Variants in TRIM55 observed in about 807,000 individuals in gnomAD.
The protein encoded by TRIM55 is tripartite motif containing 55.
In TRIM55, 50 loss-of-function variants were observed where a neutral mutation model predicts 60.9. The observed-to-expected ratio is 0.82, with a 90% CI of 0.65 to 1.04. TRIM55 has a LOEUF of 1.04. Among genes scored for constraint, TRIM55 ranks in the 50% least tolerant of loss-of-function variants. The pLI is 0.00. For missense variants in TRIM55, 681 were observed against 666.9 expected (o/e 1.02, Z -0.23); for synonymous variants, 237 against 238.1 (o/e 1.00, Z 0.04).
chr8:66,167,686 C>A, intron 9 of TRIM55, among the ~76,000 whole-genome samples: 1 of 152,224 alleles, frequency 6.6e-6, no homozygotes, highest in East Asian at 1.9e-4. Flanking sequence ...GCCCCCCAGT[C>A]AGTTCACTCC....
the TRIM55 span, chr8:66,113,420 A>C: frequency 2.3e-6 from 1 of 438,542 alleles, no homozygotes; most frequent in African/African-American, 2.0e-5. Context: ...CCTCAGCAGG[A>C]GACATCCTTA....
chr8:66,156,326 G>A (rs1028354384), intron 9 of TRIM55, among the ~76,000 whole-genome samples: 6 of 152,158 alleles, frequency 3.9e-5, no homozygotes, highest in Admixed American at 1.3e-4. Context: ...TTGCAGCCAC[G>A]TGAGACCTGA....
In TRIM55 at chr8:66,154,294, T is replaced by C; in HGVS notation, c.1484T>C (p.Val495Ala). The change falls in exon 9 of 10, where the codon GTG becomes GCG. Residue 495 changes from valine to alanine, a missense_variant. Val to Ala is a moderately conservative substitution (Grantham distance 64). Transcript: ENST00000315962. Reference sequence around the variant, plus strand: ...GCCGCAGCGAGTGAGAGGGCAGCTGTGAGTGGTAAGGAAACTAGTGCACCT... The same window carrying C: ...GCCGCAGCGAGTGAGAGGGCAGCTGCGAGTGGTAAGGAAACTAGTGCACCT... ...AAAAASERAA[V>A]SGKETSAPAA... 1 of 1,614,048 alleles carries C rather than the reference T, an allele frequency of 6.2e-7. No homozygotes were observed. Among genetic ancestry groups the C allele is most frequent in the Non-Finnish European group, 8.5e-7 (1 of 1,180,016 alleles).
intron 4 of TRIM55, among the ~76,000 whole-genome samples, chr8:66,148,902 A>G (rs1004577934): frequency 2.0e-5 from 3 of 152,170 alleles, no homozygotes; most frequent in Non-Finnish European, 4.4e-5. Context: ...TTCAAAAATT[A>G]GCTGGGTGTG....
chr8:66,144,989 T>G (rs1810025191), intron 4 of TRIM55, among the ~76,000 whole-genome samples: 1 of 152,224 alleles, frequency 6.6e-6, no homozygotes, highest in South Asian at 2.1e-4. Context: ...GTACTGAAAT[T>G]CAGAGTCATC....
At chr8:66,140,627 G>T (rs1244408829) in intron 4 of TRIM55, among the ~76,000 whole-genome samples, 2 of 152,204 alleles carry the variant, frequency 1.3e-5, no homozygotes, top group Admixed American at 6.5e-5. Context: ...CCATATCAGT[G>T]GGCAAAGCCC....
chr8:66,148,604 G>A (rs963688218), intron 4 of TRIM55, among the ~76,000 whole-genome samples: 2 of 152,204 alleles, frequency 1.3e-5, no homozygotes, highest in African/African-American at 4.8e-5. Flanking sequence ...CAAAGAAAGT[G>A]AGTGGTTTAT....
At chr8:66,117,217 C>T in the TRIM55 span, among the ~76,000 whole-genome samples, 1 of 152,182 alleles carries the variant, frequency 6.6e-6, no homozygotes, top group Non-Finnish European at 1.5e-5. Context: ...CAGTGCTTTC[C>T]TCCTAAGACC....
At chr8:66,164,836 A>G (rs548694442) in intron 9 of TRIM55, among the ~76,000 whole-genome samples, 2 of 152,138 alleles carry the variant, frequency 1.3e-5, no homozygotes, top group Non-Finnish European at 2.9e-5. Flanking sequence ...GTAAGATTAT[A>G]AAGGTGATCC....
chr8:66,120,220 G>A, the TRIM55 span, among the ~76,000 whole-genome samples: 28 of 152,104 alleles, frequency 1.8e-4, no homozygotes, highest in Admixed American at 2.6e-4. Flanking sequence ...AATAATTTTA[G>A]CATCCCTTTC....
At chr8:66,156,841 A>G (rs1020081759) in intron 9 of TRIM55, among the ~76,000 whole-genome samples, 7 of 152,164 alleles carry the variant, frequency 4.6e-5, no homozygotes, top group Admixed American at 1.3e-4. Context: ...ACAATGTCCA[A>G]TAGTCAGCTG....
intron 9 of TRIM55, among the ~76,000 whole-genome samples, chr8:66,172,653 C>T (rs143240291): frequency 5.9e-5 from 9 of 152,306 alleles, no homozygotes; most frequent in African/African-American, 7.2e-5. Context: ...CAAAAGCAGT[C>T]CCAGGGGCTT....
At chr8:66,127,772 T>C (rs1425168723) in intron 1 of TRIM55, among the ~76,000 whole-genome samples, 1 of 152,148 alleles carries the variant, frequency 6.6e-6, no homozygotes, top group Non-Finnish European at 1.5e-5. Context: ...GAGGCGGACA[T>C]TGCAGCGAGC....
intron 9 of TRIM55, among the ~76,000 whole-genome samples, chr8:66,162,410 A>G (rs1343726322): frequency 2.0e-5 from 3 of 151,444 alleles, no homozygotes; most frequent in African/African-American, 7.3e-5. Context: ...ATGCTGTTGG[A>G]TTCAGTTTGC....
chr8:66,134,499 A>G (rs1809362123), intron 2 of TRIM55, among the ~76,000 whole-genome samples: 1 of 152,108 alleles, frequency 6.6e-6, no homozygotes, highest in Non-Finnish European at 1.5e-5. Context: ...TACTCCTAAA[A>G]GCTGGTGCAA....
chr8:66,168,557 A>G (rs1341744618), intron 9 of TRIM55, among the ~76,000 whole-genome samples: 1 of 152,246 alleles, frequency 6.6e-6, no homozygotes, highest in African/African-American at 2.4e-5. Context: ...CCCACTCAGC[A>G]GCCTTAAGTC....
chr8:66,157,119 G>A (rs1287180476), intron 9 of TRIM55, among the ~76,000 whole-genome samples: 1 of 152,156 alleles, frequency 6.6e-6, no homozygotes, highest in African/African-American at 2.4e-5. Context: ...TTGCTTCTCT[G>A]AGGCTGCAGA....
intron 8 of TRIM55, among the ~76,000 whole-genome samples, chr8:66,153,053 A>C (rs1586222682): frequency 6.6e-6 from 1 of 152,080 alleles, no homozygotes; most frequent in Admixed American, 6.6e-5. Context: ...TGAGAAATAA[A>C]TAGCATACAG....
At position 66,174,812 on chromosome 8, in the gene TRIM55, A is replaced by C. The variant is rs1811835803; in HGVS notation, c.*219A>C. The C allele has an allele frequency of 1.2e-5, 4 of 346,094 alleles. No individual in the cohort carries two copies. The South Asian group carries it at 1.4e-4, about 13-fold the overall frequency. 21.4% of individuals were successfully genotyped at this position (346,094 alleles called of 1,614,324 possible). A position where few individuals can be genotyped will look rare whatever the true frequency, so the allele number is the denominator to read the frequency against. ...TTGCAGAAAGCACTGGAAATAATAA[A>C]CTTGATCTTATACAAATCTTCTATT... On this transcript the variant is annotated 3_prime_UTR_variant, in exon 10 of 10. Transcript: ENST00000315962.
Sources: gnomAD v4.1 joint callset for allele counts (sites outside exome capture counted in the v4.1 genomes callset) on GRCh38, gnomAD v4.1.1 for gene constraint, MANE v1.5 for transcripts, NCBI Gene and HGNC (gene_info 2026-07-23, HGNC 2026-07-21) for gene names.